CFAP61: variants seen among roughly 807,000 people sequenced by gnomAD.
CFAP61 encodes cilia and flagella associated protein 61, also known as cilia- and flagella-associated protein 61.
Under a neutral mutation model 135.6 loss-of-function variants are expected in CFAP61, and 107 were observed. The ratio of observed to expected loss-of-function variants is 0.79; its 90% CI spans 0.67 to 0.93. CFAP61 has a LOEUF of 0.93. Ranked by LOEUF, CFAP61 falls within the 40% of genes least tolerant of loss-of-function variation. The pLI, the probability that CFAP61 is intolerant of heterozygous loss-of-function variation, is 0.00. For synonymous variants in CFAP61, 575 were observed against 578.5 expected (o/e 0.99, Z 0.09); for missense variants, 1,507 against 1,556.2 (o/e 0.97, Z 0.53).
At chr20:20,151,521 C>T (rs1342031181) in intron 9 of CFAP61, among the ~76,000 whole-genome samples, 1 of 151,970 alleles carries the variant, frequency 6.6e-6, no homozygotes, top group African/African-American at 2.4e-5. Context: ...GAGATCTAGA[C>T]ATCCAAATAT....
chr20:20,162,668 A>C (rs567882440), intron 10 of CFAP61, among the ~76,000 whole-genome samples: 8 of 152,350 alleles, frequency 5.3e-5, no homozygotes, highest in Non-Finnish European at 8.8e-5. Flanking sequence ...GCAGAGCTGC[A>C]AGTCCAGATT....
intron 18 of CFAP61, among the ~76,000 whole-genome samples, chr20:20,231,837 A>G (rs978854295): frequency 6.6e-6 from 1 of 152,130 alleles, no homozygotes; most frequent in African/African-American, 2.4e-5. Flanking sequence ...GAAAGAACAG[A>G]TCTTAAGACT....
chr20:20,197,203 C>A (rs2056349699), intron 16 of CFAP61, among the ~76,000 whole-genome samples: 1 of 152,168 alleles, frequency 6.6e-6, no homozygotes, highest in African/African-American at 2.4e-5. Context: ...GCTATCCCAG[C>A]ATTCCAAATA....
intron 3 of CFAP61, among the ~76,000 whole-genome samples, chr20:20,073,149 A>C (rs1351536998): frequency 6.6e-6 from 1 of 152,244 alleles, no homozygotes; most frequent in African/African-American, 2.4e-5. Flanking sequence ...TCAAGCAAGT[A>C]ATAAGCCATA....
chr20:20,323,042 T>G, intron 25 of CFAP61: 2 of 985,472 alleles, frequency 2.0e-6, no homozygotes, highest in Non-Finnish European at 2.4e-6. Context: ...GCTCTGACTT[T>G]GTGATCACTG....
intron 26 of CFAP61, among the ~76,000 whole-genome samples, chr20:20,355,140 ACATTGTGAGAGGGAAGGGGGT>A (rs2122466226): frequency 7.0e-6 from 1 of 142,828 alleles, no homozygotes; most frequent in Non-Finnish European, 1.5e-5. Context: ...GGAGGTGGTC[ACATTGTGAGAGGGAAGGGGGT>A]CACTGTGAGA....
chr20:20,148,065 T>C lies in CFAP61; in HGVS notation c.951+5117T>C, dbSNP rs191232677. Among the ~76,000 whole-genome samples, 358 of 152,300 alleles carry C rather than the reference T, an allele frequency of 2.4e-3. 1 individual carries two copies. The highest frequency in any genetic ancestry group is 4.0e-3 in the Non-Finnish European group (274 of 68,016). On this transcript the variant is annotated intron_variant, in intron 9 of 26. Coordinates refer to ENST00000245957, the MANE Select transcript of CFAP61 (RefSeq NM_015585.4). ...TGTCAAAGACTAGTTGGCTGTTAAGTATTTGGCTTTATTTCTGGGTTCTCT... is the reference window on the plus strand; with the variant it reads ...TGTCAAAGACTAGTTGGCTGTTAAGCATTTGGCTTTATTTCTGGGTTCTCT...
At position 20,268,804 on chromosome 20, in the gene CFAP61, C is replaced by A. The variant is rs1245226552; in HGVS notation, c.2503+5674C>A. Among the ~76,000 whole-genome samples the A allele has an allele frequency of 2.0e-5, 3 of 151,850 alleles. No homozygotes were observed. In the East Asian group the frequency reaches 5.8e-4, roughly 29 times the overall value. On this transcript the variant is annotated intron_variant, in intron 21 of 26. Transcript: ENST00000245957. ...TCATCTGCTATTACCTCTGTACTTT[C>A]CATGAAAATGAAAAGTAGGATGAAA...
intron 18 of CFAP61, among the ~76,000 whole-genome samples, chr20:20,245,700 G>C (rs1182850257): frequency 6.6e-6 from 1 of 152,192 alleles, no homozygotes; most frequent in Non-Finnish European, 1.5e-5. Context: ...GTAAGGACTA[G>C]ATGGGGTAAT....
At chr20:20,116,875 A>G (rs1434291992) in intron 8 of CFAP61, among the ~76,000 whole-genome samples, 4 of 151,752 alleles carry the variant, frequency 2.6e-5, no homozygotes, top group Non-Finnish European at 5.9e-5. Context: ...CACATTTGTT[A>G]TACTCCTGGG....
intron 16 of CFAP61, 39 bp downstream of exon 16, chr20:20,196,815 C>T (rs147305288): frequency 1.4e-5 from 22 of 1,544,964 alleles, no homozygotes; most frequent in Admixed American, 1.3e-4. Flanking sequence ...AGCAGGTCAA[C>T]GTTCACAGTG....
chr20:20,320,366 ATATATAT>A (rs1352842486), intron 25 of CFAP61, among the ~76,000 whole-genome samples: 1 of 8,610 alleles, frequency 1.2e-4, no homozygotes, highest in African/African-American at 2.6e-4. Flanking sequence ...AATATATGTA[ATATATAT>A]TATATATATG....
intron 7 of CFAP61, 29 bp from the exon 8 acceptor site, chr20:20,098,626 A>AAAAAG (rs397971524): frequency 1.3e-6 from 2 of 1,525,186 alleles, no homozygotes; most frequent in African/African-American, 1.4e-5. Context: ...AAAAAAAAAA[A>AAAAAG]GAATAATGAG....
chr20:20,232,390 A>AAAAG (rs1569167236), intron 18 of CFAP61, among the ~76,000 whole-genome samples: 8 of 151,882 alleles, frequency 5.3e-5, no homozygotes, highest in African/African-American at 1.9e-4. Flanking sequence ...TAGAAAAAAA[A>AAAAG]AAGAAGAAGA....
At chr20:20,271,792 C>T (rs140836773) in intron 21 of CFAP61, among the ~76,000 whole-genome samples, 50 of 152,298 alleles carry the variant, frequency 3.3e-4, no homozygotes, top group African/African-American at 1.2e-3. Context: ...GTGGGGCAGC[C>T]CATCCTTTAC....
intron 8 of CFAP61, among the ~76,000 whole-genome samples, chr20:20,117,355 T>A (rs992758596): frequency 7.4e-6 from 1 of 135,434 alleles, no homozygotes; most frequent in Non-Finnish European, 1.6e-5. Flanking sequence ...AAAAATAAAT[T>A]AATAAGTTAA....
chr20:20,237,664 G>A (rs1464822902), intron 18 of CFAP61, among the ~76,000 whole-genome samples: 4 of 152,092 alleles, frequency 2.6e-5, no homozygotes, highest in African/African-American at 4.8e-5. Flanking sequence ...TAACACACTC[G>A]AACAAATACC....
intron 17 of CFAP61, among the ~76,000 whole-genome samples, chr20:20,227,858 C>T (rs767711124): frequency 6.6e-6 from 1 of 152,184 alleles, no homozygotes; most frequent in Non-Finnish European, 1.5e-5. Context: ...TTCAGGGAAA[C>T]TGTGGACAGA....
intron 26 of CFAP61, among the ~76,000 whole-genome samples, chr20:20,346,523 A>AG (rs887502165): frequency 5.3e-5 from 8 of 151,438 alleles, no homozygotes; most frequent in African/African-American, 1.9e-4. Flanking sequence ...CGTCTCAAAA[A>AG]AAAAAAAAAA....
Sources: gnomAD v4.1 joint callset for allele counts (sites outside exome capture counted in the v4.1 genomes callset) on GRCh38, gnomAD v4.1.1 for gene constraint, MANE v1.5 for transcripts, NCBI Gene and HGNC (gene_info 2026-07-23, HGNC 2026-07-21) for gene names.